PREPL: variants seen among roughly 807,000 people sequenced by gnomAD.
The protein encoded by PREPL is prolyl endopeptidase-like.
A neutral mutation model predicts 70.6 loss-of-function variants in PREPL; 77 were observed. That is an observed-to-expected ratio of 1.09 (90% CI 0.91 to 1.32). PREPL has a LOEUF of 1.32. Ranked by LOEUF, PREPL falls within the 40% of genes most tolerant of loss-of-function variation. The probability of loss-of-function intolerance (pLI) is 0.00; values close to 1 mark genes in which losing one functional copy is unlikely to be tolerated. For synonymous variants in PREPL, 315 were observed against 264.8 expected (o/e 1.19, Z -1.84); for missense variants, 1,002 against 778.2 (o/e 1.29, Z -3.42).
Position 44,318,080 on chromosome 2 carries a change from AAGG to A in PREPL, c.*3273_*3275del, listed in dbSNP as rs1558473509. The A allele has an allele frequency of 2.3e-6, 1 of 438,682 alleles. No homozygotes were observed. The highest frequency in any genetic ancestry group is 4.5e-6 in the Non-Finnish European group (1 of 221,822). 27.2% of individuals were successfully genotyped at this position (438,682 alleles called of 1,614,324 possible). ...TTGCACATGTGCACAATAATACTTAAAGGATCTCAACACTGTTTTTTTTTTTTT... is the reference window on the plus strand; with the variant it reads ...TTGCACATGTGCACAATAATACTTAAATCTCAACACTGTTTTTTTTTTTTT... On this transcript the variant is annotated 3_prime_UTR_variant, in exon 14 of 14. Coordinates refer to ENST00000409411, the MANE Select transcript of PREPL (RefSeq NM_001171613.2).
intron 9 of PREPL, 106 bp downstream of exon 9, chr2:44,328,831 A>T: frequency 8.5e-7 from 1 of 1,181,742 alleles, no homozygotes; most frequent in Non-Finnish European, 1.2e-6. Context: ...AAATTGAATA[A>T]TAAGAATGAA....
chr2:44,338,304 CATAA>C (rs1261430376), intron 7 of PREPL, 43 bp downstream of exon 7: 1 of 1,497,570 alleles, frequency 6.7e-7, no homozygotes, highest in South Asian at 1.2e-5. Flanking sequence ...AGCTAAACTG[CATAA>C]ATATTTTGAT....
chr2:44,332,934 T>G (rs893108915), intron 7 of PREPL, among the ~76,000 whole-genome samples: 4 of 152,210 alleles, frequency 2.6e-5, no homozygotes, highest in Non-Finnish European at 5.9e-5. Context: ...AAAAGTTTAT[T>G]TTGGGGTATA....
Position 44,361,488 on chromosome 2 carries a change from AG to A in PREPL, c.-158del. On this transcript the variant is annotated 5_prime_UTR_variant, in exon 1 of 14. Coordinates refer to ENST00000409411, the MANE Select transcript of PREPL (RefSeq NM_001171613.2). ...TGTCACCGCAGGCAAGTCCAGCCGAAGTCTGCGTTCCGCAGCCCACAGAACG... is the reference window on the plus strand; with the variant it reads ...TGTCACCGCAGGCAAGTCCAGCCGAATCTGCGTTCCGCAGCCCACAGAACG... The A allele has an allele frequency of 6.5e-6, 1 of 153,306 alleles. No individual in the cohort carries two copies. The highest frequency in any genetic ancestry group is 2.0e-4 in the South Asian group (1 of 4,996). The allele number at this position is 153,306 out of a possible 1,614,324, so 9.5% of individuals were successfully genotyped here.
At chr2:44,321,750 C>G in intron 13 of PREPL, 77 bp downstream of exon 13, 3 of 1,612,188 alleles carry the variant, frequency 1.9e-6, no homozygotes, top group Non-Finnish European at 2.5e-6. Context: ...CATAAACCTG[C>G]TGCAACCACT....
Position 44,329,051 on chromosome 2 carries a change from T to C in PREPL, c.1148A>G (p.Lys383Arg). 6.2e-7 allele frequency: 1 copy of C among 1,612,864 alleles called. No individual in the cohort carries two copies. The part of the protein sequence containing the change: ...HKTDSEDLQK[K>R]PLLVHVYGAY... ...TCCATATACATGTACCAAGAGAGGT[T>C]TCTTCTGCAAGTCCTCAGAGTCAGT... is the stretch of plus-strand genomic sequence containing the variant. Residue 383 changes from lysine to arginine, a missense_variant, in exon 9 of 14, where the codon AAA becomes AGA. Coordinates refer to ENST00000409411, the MANE Select transcript of PREPL (RefSeq NM_001171613.2).
chr2:44,340,212 A>T (rs1470424510), intron 5 of PREPL, among the ~76,000 whole-genome samples: 1 of 152,114 alleles, frequency 6.6e-6, no homozygotes, highest in Non-Finnish European at 1.5e-5. Context: ...ATGTTTCATT[A>T]TAATAAACAA....
chr2:44,341,716 C>G (rs1675242106), intron 5 of PREPL, among the ~76,000 whole-genome samples: 1 of 150,660 alleles, frequency 6.6e-6, no homozygotes. Flanking sequence ...AATAATAATG[C>G]TTATTACAAA....
intron 4 of PREPL, 152 bp downstream of exon 4, chr2:44,343,593 C>T (rs948632626): frequency 1.6e-6 from 1 of 615,684 alleles, no homozygotes; most frequent in Non-Finnish European, 2.8e-6. Flanking sequence ...GGGAAGGTCT[C>T]CTGAATAAGA....
chr2:44,359,431 T>C (rs879333251), intron 1 of PREPL: 59 of 1,201,388 alleles, frequency 4.9e-5, no homozygotes, highest in Admixed American at 3.7e-4. Context: ...ATTCTACCCA[T>C]TCTTTATTTT....
rs528790205 is a variant in PREPL, at chr2:44,331,931, C to G, written c.1086+528G>C. ...ACAACATGTAAAATAAAAAGTTTGA[C>G]ATGCTATAAATTTTCTTTTTTTTTT... is the stretch of plus-strand genomic sequence containing the variant. On this transcript the variant is annotated intron_variant, in intron 8 of 13. Transcript: ENST00000409411. Among the ~76,000 whole-genome samples, 8 of 149,068 alleles carry G rather than the reference C, an allele frequency of 5.4e-5. No individual in the cohort carries two copies. The South Asian group carries it at 1.1e-3, about 20-fold the overall frequency.
rs1049815567 is a variant in PREPL, at chr2:44,322,687, G to C, written c.1753+44C>G. On this transcript the variant is annotated intron_variant, in intron 12 of 13. Coordinates refer to ENST00000409411, the MANE Select transcript of PREPL (RefSeq NM_001171613.2). ...TCCTCTGAGCAGTGTGCTGTGGGTA[G>C]TAGTCTGTTTGGCCATGTTCCCTGC... 3.8e-6 allele frequency: 6 copies of C among 1,596,034 alleles called. 1 individual carries two copies. In the South Asian group the frequency reaches 4.5e-5, roughly 12 times the overall value.
At position 44,343,730 on chromosome 2, in the gene PREPL, TG is replaced by T; in HGVS notation, c.349+14del. 1 of 1,601,200 alleles carries T rather than the reference TG, an allele frequency of 6.2e-7. No individual in the cohort carries two copies. The highest frequency in any genetic ancestry group is 1.1e-5 in the South Asian group (1 of 90,748). On this transcript the variant is annotated intron_variant, in intron 4 of 13. Transcript: ENST00000409411. The stretch of plus-strand genomic sequence containing the variant: ...TGCCTTTCAACACAGAGGACTATTT[TG>T]GTTGGTGGCTTACCAAAACTGGACA...
At chr2:44,345,987 T>C (rs1675771445) in intron 2 of PREPL, among the ~76,000 whole-genome samples, 1 of 152,086 alleles carries the variant, frequency 6.6e-6, no homozygotes, top group Non-Finnish European at 1.5e-5. Flanking sequence ...TGAAATTTTT[T>C]TTTTTTAAAT....
Position 44,343,829 on chromosome 2 carries a change from C to A in PREPL, c.265G>T (p.Asp89Tyr). 6.2e-7 allele frequency: 1 copy of A among 1,613,934 alleles called. No individual in the cohort carries two copies. Among genetic ancestry groups the A allele is most frequent in the Non-Finnish European group, 8.5e-7 (1 of 1,179,834 alleles). ...ATTACACAGGTAGATGCTTCAGAAT[C>A]TTCAGTTCTTATCTTGGCAGCCACA... is the stretch of plus-strand genomic sequence containing the variant. ...KYVAAKIRTE[D>Y]SEASTCVIIK... is the part of the protein sequence containing the mutation. The change falls in exon 4 of 14, where the codon GAT (aspartate) becomes TAT (tyrosine). Residue 89 changes from aspartate to tyrosine, a missense_variant. Coordinates refer to ENST00000409411, the MANE Select transcript of PREPL (RefSeq NM_001171613.2).
intron 1 of PREPL, 102 bp downstream of exon 1, chr2:44,361,278 G>T (rs78898272): frequency 2.6e-5 from 4 of 152,666 alleles, no homozygotes; most frequent in African/African-American, 7.2e-5. Context: ...CGCAGTGCCG[G>T]GACATTAGTC....
chr2:44,319,120 C>G lies in PREPL; in HGVS notation c.*2236G>C, dbSNP rs1435487309. On this transcript the variant is annotated 3_prime_UTR_variant, in exon 14 of 14. Coordinates refer to ENST00000409411, the MANE Select transcript of PREPL (RefSeq NM_001171613.2). ...ACATGTATCATAAATATCTTTGTACCTGACAAACAGAATAAACATCTTTTT... is the reference window on the plus strand; with the variant it reads ...ACATGTATCATAAATATCTTTGTACGTGACAAACAGAATAAACATCTTTTT... 1.3e-5 allele frequency: 2 copies of G among 152,516 alleles called. No individual in the cohort carries two copies. Among genetic ancestry groups the G allele is most frequent in the African/African-American group, 2.4e-5 (1 of 41,400 alleles). 9.4% of individuals were successfully genotyped at this position (152,516 alleles called of 1,614,324 possible). A position where few individuals can be genotyped will look rare whatever the true frequency, so the allele number is the denominator to read the frequency against.
In PREPL at chr2:44,321,436, G is replaced by T; in HGVS notation, c.1837C>A (p.Gln613Lys). ...AGTTCCTCGTACAGGAATTTAATTT[G>T]GGCTGTAATCTAAAAGAAACACATT... Reference protein sequence around the residue: ...IEDSHKKITAQIKFLYEELGL... With the variant: ...IEDSHKKITAKIKFLYEELGL... The change falls in exon 14 of 14, where the codon CAA becomes AAA. Residue 613 changes from glutamine (Q) to lysine (K), a missense_variant. Gln to Lys is a moderately conservative substitution (Grantham distance 53). Transcript: ENST00000409411. 6.2e-7 allele frequency: 1 copy of T among 1,612,000 alleles called. No individual in the cohort carries two copies. Among genetic ancestry groups the T allele is most frequent in the Non-Finnish European group, 8.5e-7 (1 of 1,178,552 alleles).
chr2:44,339,088 T>C, intron 6 of PREPL, 59 bp downstream of exon 6: 2 of 1,592,008 alleles, frequency 1.3e-6, no homozygotes, highest in Non-Finnish European at 8.6e-7. Flanking sequence ...GAAATGTTGT[T>C]GATCGAAGTG....
Sources: allele counts gnomAD v4.1 joint callset (sites outside exome capture counted in the v4.1 genomes callset), GRCh38; gene constraint gnomAD v4.1.1; transcripts MANE v1.5; gene names NCBI Gene and HGNC (gene_info 2026-07-23, HGNC 2026-07-21).